Variants in TMEM178B observed in about 807,000 individuals in gnomAD.
The protein encoded by TMEM178B is transmembrane protein 178B.
In TMEM178B, 5 loss-of-function variants were observed where a neutral mutation model predicts 31.0. The observed-to-expected ratio is 0.16, with a 90% confidence interval of 0.08 to 0.34. The LOEUF (loss-of-function observed/expected upper bound fraction) is 0.34, where lower values mean the gene tolerates loss of function less well. Among genes scored for constraint, TMEM178B ranks in the 10% least tolerant of loss-of-function variants. TMEM178B has a pLI of 1.00. For missense variants in TMEM178B, 275 were observed against 400.3 expected, an observed-to-expected ratio of 0.69 and a Z score of 2.67; for synonymous variants, 164 against 164.0, an observed-to-expected ratio of 1.00 and a Z score of 0.00.
At chr7:141,497,667 G>A in the TMEM178B span, among the ~76,000 whole-genome samples, 1 of 152,158 alleles carries the variant, frequency 6.6e-6, no homozygotes, top group African/African-American at 2.4e-5. Flanking sequence ...TGTTACACCT[G>A]TGCCAAATCT....
chr7:141,190,456 G>A (rs578224174), intron 1 of TMEM178B, among the ~76,000 whole-genome samples: 1 of 151,958 alleles, frequency 6.6e-6, no homozygotes, highest in East Asian at 1.9e-4. Flanking sequence ...TGGGACTACA[G>A]TCATGTGCCA....
At position 141,344,373 on chromosome 7, in the gene TMEM178B, T is replaced by TA. The variant is rs1799571538; in HGVS notation, c.497-93234dup. Among the ~76,000 whole-genome samples the TA allele has an allele frequency of 6.6e-6, 1 of 152,230 alleles. No homozygotes were observed. Among genetic ancestry groups the TA allele is most frequent in the Non-Finnish European group, 1.5e-5 (1 of 68,028 alleles). On this transcript the variant is annotated intron_variant, in intron 2 of 3. Transcript: ENST00000565468. The surrounding 1 kb of genome is among the most constrained non-coding windows in gnomAD (Gnocchi z 4.1). Reference sequence around the variant, plus strand: ...CCTGAGCTCAGAACCCCTGGTCCGATAGCCCTTCAGTCACTGAACTTCATC... The same window carrying TA: ...CCTGAGCTCAGAACCCCTGGTCCGATAAGCCCTTCAGTCACTGAACTTCATC...
At chr7:141,339,915 A>T (rs564662135) in intron 2 of TMEM178B, among the ~76,000 whole-genome samples, 2 of 152,380 alleles carry the variant, frequency 1.3e-5, no homozygotes, top group Admixed American at 6.5e-5. Flanking sequence ...TGGAAAGGTC[A>T]TTTTGTCAGT....
intron 1 of TMEM178B, among the ~76,000 whole-genome samples, chr7:141,075,823 C>T (rs1402043720): frequency 6.6e-6 from 1 of 152,134 alleles, no homozygotes; most frequent in East Asian, 1.9e-4. Context: ...CATTATAATG[C>T]TGTGAGGTTT....
chr7:141,261,796 C>G (rs972438217), intron 2 of TMEM178B, among the ~76,000 whole-genome samples: 42 of 152,110 alleles, frequency 2.8e-4, no homozygotes, highest in African/African-American at 1.0e-3. Flanking sequence ...GTTGCAGCTG[C>G]CTTTAACCCC....
chr7:141,510,421 C>T, the TMEM178B span, among the ~76,000 whole-genome samples: 4 of 152,084 alleles, frequency 2.6e-5, no homozygotes, highest in East Asian at 3.9e-4. Flanking sequence ...CGCGGTGGCT[C>T]ATGCCTGTAA....
chr7:141,099,223 T>C (rs1486299014), intron 1 of TMEM178B, among the ~76,000 whole-genome samples: 2 of 152,202 alleles, frequency 1.3e-5, no homozygotes, highest in Non-Finnish European at 2.9e-5. Context: ...GACCCTGTAT[T>C]ATTTTCAGTT....
At chr7:141,350,665 T>C (rs1300909429) in intron 2 of TMEM178B, among the ~76,000 whole-genome samples, 1 of 152,206 alleles carries the variant, frequency 6.6e-6, no homozygotes, top group Non-Finnish European at 1.5e-5. Context: ...AAATGTAATA[T>C]ATGTTTACCA....
At chr7:141,271,496 C>T (rs1798180469) in intron 2 of TMEM178B, among the ~76,000 whole-genome samples, 1 of 152,190 alleles carries the variant, frequency 6.6e-6, no homozygotes. Context: ...AGATGGGCCC[C>T]AGTGCATAGG....
the TMEM178B span, among the ~76,000 whole-genome samples, chr7:141,496,669 C>CAAAAAAAAAAAAAAAA: frequency 3.0e-5 from 1 of 33,254 alleles, no homozygotes; most frequent in African/African-American, 1.1e-4. Flanking sequence ...GACTCCGTCT[C>CAAAAAAAAAAAAAAAA]AAAAAAAAAA....
At chr7:141,102,673 A>G (rs550915186) in intron 1 of TMEM178B, among the ~76,000 whole-genome samples, 6 of 152,162 alleles carry the variant, frequency 3.9e-5, no homozygotes, top group South Asian at 2.1e-4. Context: ...AGCTGTCCCT[A>G]TTTTTTAACC....
At chr7:141,123,633 G>C (rs1210341802) in intron 1 of TMEM178B, among the ~76,000 whole-genome samples, 3 of 152,188 alleles carry the variant, frequency 2.0e-5, no homozygotes, top group Non-Finnish European at 2.9e-5. Context: ...CATTGGTAGT[G>C]GGGGAGCTAG....
chr7:141,423,903 G>T (rs1049779395), intron 2 of TMEM178B, among the ~76,000 whole-genome samples: 2 of 150,886 alleles, frequency 1.3e-5, no homozygotes, highest in Admixed American at 1.3e-4. Flanking sequence ...CCACCTCCTG[G>T]GTTCAAGTGA....
chr7:141,089,745 C>T (rs570043758), intron 1 of TMEM178B, among the ~76,000 whole-genome samples: 8 of 151,992 alleles, frequency 5.3e-5, no homozygotes, highest in African/African-American at 1.9e-4. Flanking sequence ...TCATTCTGAG[C>T]AAACTATTGC....
intron 1 of TMEM178B, among the ~76,000 whole-genome samples, chr7:141,203,482 G>A (rs1796912307): frequency 6.6e-6 from 1 of 152,218 alleles, no homozygotes; most frequent in Admixed American, 6.5e-5. Flanking sequence ...CATGGACGAT[G>A]TCCCTTCCTC....
chr7:141,350,437 A>G (rs546010215), intron 2 of TMEM178B, among the ~76,000 whole-genome samples: 9 of 152,298 alleles, frequency 5.9e-5, no homozygotes, highest in Non-Finnish European at 1.3e-4. Context: ...GGGCTGTATC[A>G]TTATTGTCCG....
chr7:141,129,994 G>T (rs1225380335), intron 1 of TMEM178B, among the ~76,000 whole-genome samples: 1 of 152,148 alleles, frequency 6.6e-6, no homozygotes, highest in Non-Finnish European at 1.5e-5. Context: ...GAAGTTTCAA[G>T]TCTCATAGTG....
rs541019452 is a variant in TMEM178B at position 141,160,533 on chromosome 7, T to G, written c.383-52058T>G. Among the ~76,000 whole-genome samples, 4 of 152,298 alleles carry G rather than the reference T, an allele frequency of 2.6e-5. No homozygotes were observed. The South Asian group carries it at 8.3e-4, about 32-fold the overall frequency. Reference sequence around the variant, plus strand: ...CATTCTCTAGGATGGATCACGTTGCTCTCTGCCTCCCTAACCTGCTGTCTG... The same window carrying G: ...CATTCTCTAGGATGGATCACGTTGCGCTCTGCCTCCCTAACCTGCTGTCTG... On this transcript the variant is annotated intron_variant, in intron 1 of 3. Transcript: ENST00000565468.
chr7:141,336,664 A>G (rs1400518716), intron 2 of TMEM178B, among the ~76,000 whole-genome samples: 4 of 151,804 alleles, frequency 2.6e-5, no homozygotes, highest in Non-Finnish European at 5.9e-5. Context: ...AATTATATAA[A>G]TGCATAGTTA....
Sources: allele counts gnomAD v4.1 joint callset (sites outside exome capture counted in the v4.1 genomes callset), GRCh38; gene constraint gnomAD v4.1.1; non-coding constraint Gnocchi (gnomAD v3.1); transcripts MANE v1.5; gene names NCBI Gene and HGNC (gene_info 2026-07-23, HGNC 2026-07-21).